LYPD6B: variants seen among roughly 807,000 people sequenced by gnomAD.
The protein encoded by LYPD6B is LY6/PLAUR domain containing 6B.
In LYPD6B, 17 loss-of-function variants were observed where a neutral mutation model predicts 22.8. The observed-to-expected ratio is 0.75, with a 90% CI of 0.51 to 1.12. The LOEUF (loss-of-function observed/expected upper bound fraction) is 1.12. Ranked by LOEUF, LYPD6B falls within the 50% of genes most tolerant of loss-of-function variation. The probability of loss-of-function intolerance (pLI) is 0.00; values close to 1 mark genes in which losing one functional copy is unlikely to be tolerated. For synonymous variants in LYPD6B, 106 were observed against 91.6 expected, an observed-to-expected ratio of 1.16 and a Z score of -0.90; for missense variants, 221 against 258.3, an observed-to-expected ratio of 0.86 and a Z score of 0.99.
chr2:149,082,872 C>A (rs1685200223), intron 1 of LYPD6B, among the ~76,000 whole-genome samples: 1 of 152,164 alleles, frequency 6.6e-6, no homozygotes, highest in Non-Finnish European at 1.5e-5. Flanking sequence ...CTGGGTACAG[C>A]CATAATTCAG....
intron 3 of LYPD6B, among the ~76,000 whole-genome samples, chr2:149,203,400 C>G (rs1339904299): frequency 4.6e-5 from 7 of 152,108 alleles, no homozygotes; most frequent in South Asian, 4.1e-4. Flanking sequence ...AGGGTCTCCA[C>G]TGGTATAAAG....
At chr2:149,095,643 A>G (rs1685869646) in intron 1 of LYPD6B, among the ~76,000 whole-genome samples, 1 of 152,172 alleles carries the variant, frequency 6.6e-6, no homozygotes, top group Non-Finnish European at 1.5e-5. Context: ...AGGCCATGTG[A>G]GAGAGCACAG....
chr2:149,183,254 G>A lies in LYPD6B; in HGVS notation c.78-21999G>A, dbSNP rs114673033. On this transcript the variant is annotated intron_variant, in intron 3 of 6. Coordinates refer to ENST00000409642, the MANE Select transcript of LYPD6B (RefSeq NM_177964.5). ...GAAATGGAGATAGAAGAGCTATGGAGTTTGCTGGAAATCCTCTAAGTAGGA... is the reference window on the plus strand; with the variant it reads ...GAAATGGAGATAGAAGAGCTATGGAATTTGCTGGAAATCCTCTAAGTAGGA... Among the ~76,000 whole-genome samples the A allele has an allele frequency of 6.9e-3, 1,054 of 152,276 alleles. 17 individuals carry two copies. The highest frequency in any genetic ancestry group is 0.023 in the African/African-American group (963 of 41,550).
At chr2:149,040,818 G>T (rs536210369) in intron 1 of LYPD6B, among the ~76,000 whole-genome samples, 1 of 152,330 alleles carries the variant, frequency 6.6e-6, no homozygotes, top group East Asian at 1.9e-4. Flanking sequence ...TTCATCTAAT[G>T]CATGGAGGGC....
rs79544323 is a variant in LYPD6B, at chr2:149,191,964, T to C, written c.78-13289T>C. On this transcript the variant is annotated intron_variant, in intron 3 of 6. Coordinates refer to ENST00000409642, the MANE Select transcript of LYPD6B (RefSeq NM_177964.5). ...TGGTGGTTGAATTGGAAATCACCAA[T>C]GCTGGTTCTTCTTCAGCAAAGTGAG... is the stretch of plus-strand genomic sequence containing the variant. 2.5e-3 allele frequency among the ~76,000 whole-genome samples: 382 copies of C among 152,342 alleles called. 6 individuals are homozygous for C. The East Asian group carries it at 0.04, about 16-fold the overall frequency.
At chr2:149,120,822 C>A (rs1340053528) in intron 1 of LYPD6B, among the ~76,000 whole-genome samples, 3 of 110,176 alleles carry the variant, frequency 2.7e-5, no homozygotes, top group Admixed American at 1.2e-4. Flanking sequence ...CAGCGTCTTG[C>A]TCTGTCACCC....
chr2:149,135,236 C>G (rs565961852), intron 2 of LYPD6B, among the ~76,000 whole-genome samples: 1 of 140,608 alleles, frequency 7.1e-6, no homozygotes, highest in East Asian at 2.1e-4. Flanking sequence ...CAGAGCAAGA[C>G]TCTGTCTCAA....
At chr2:149,191,269 C>A (rs1044116752) in intron 3 of LYPD6B, among the ~76,000 whole-genome samples, 4 of 152,040 alleles carry the variant, frequency 2.6e-5, no homozygotes, top group African/African-American at 4.8e-5. Flanking sequence ...ATTAAGATAA[C>A]AACAATTCTT....
intron 5 of LYPD6B, among the ~76,000 whole-genome samples, chr2:149,210,748 T>C (rs1349577041): frequency 6.6e-6 from 1 of 152,242 alleles, no homozygotes; most frequent in South Asian, 2.1e-4. Context: ...TATGAACACA[T>C]GCAGCCACCA....
At chr2:149,120,729 T>C (rs566266205) in intron 1 of LYPD6B, among the ~76,000 whole-genome samples, 1 of 150,860 alleles carries the variant, frequency 6.6e-6, no homozygotes, top group Non-Finnish European at 1.5e-5. Flanking sequence ...CGTCCAAATA[T>C]GTGTTCTATT....
intron 3 of LYPD6B, among the ~76,000 whole-genome samples, chr2:149,177,168 A>G (rs181381759): frequency 1.3e-5 from 2 of 152,228 alleles, no homozygotes; most frequent in Non-Finnish European, 2.9e-5. Context: ...GGTTAGAGAA[A>G]TGGCCCCCAA....
At chr2:149,192,612 A>G (rs1489845829) in intron 3 of LYPD6B, among the ~76,000 whole-genome samples, 1 of 151,746 alleles carries the variant, frequency 6.6e-6, no homozygotes, top group Non-Finnish European at 1.5e-5. Context: ...CTCATCCCCA[A>G]TTTCCTCCTT....
intron 1 of LYPD6B, among the ~76,000 whole-genome samples, chr2:149,100,170 C>G (rs1027755224): frequency 3.9e-5 from 6 of 152,028 alleles, no homozygotes; most frequent in South Asian, 2.1e-4. Context: ...CCTGTATTTT[C>G]AAGTTATCAT....
At chr2:149,183,282 T>C (rs2106003972) in intron 3 of LYPD6B, among the ~76,000 whole-genome samples, 1 of 152,322 alleles carries the variant, frequency 6.6e-6, no homozygotes, top group South Asian at 2.1e-4. Context: ...AAGTAGGAGA[T>C]TGCCCAATTC....
At chr2:149,062,926 A>G (rs143717000) in intron 1 of LYPD6B, among the ~76,000 whole-genome samples, 85 of 144,398 alleles carry the variant, frequency 5.9e-4, no homozygotes, top group African/African-American at 2.1e-3. Context: ...TAGTTGTCTA[A>G]TGGCAGATTT....
At chr2:149,112,795 A>T (rs1442742218) in intron 1 of LYPD6B, among the ~76,000 whole-genome samples, 1 of 152,170 alleles carries the variant, frequency 6.6e-6, no homozygotes, top group Non-Finnish European at 1.5e-5. Context: ...ATTGAAAACG[A>T]ACTGGGACAA....
chr2:149,057,211 T>G (rs1683844891), intron 1 of LYPD6B, among the ~76,000 whole-genome samples: 1 of 152,078 alleles, frequency 6.6e-6, no homozygotes, highest in Non-Finnish European at 1.5e-5. Flanking sequence ...TATATATTAT[T>G]TATTATTAGG....
At chr2:149,088,177 T>G (rs1413555639) in intron 1 of LYPD6B, among the ~76,000 whole-genome samples, 2 of 151,902 alleles carry the variant, frequency 1.3e-5, no homozygotes, top group African/African-American at 4.8e-5. Context: ...GTCCCAAGCT[T>G]CTTCTCTGTG....
intron 6 of LYPD6B, among the ~76,000 whole-genome samples, chr2:149,213,697 G>A (rs1371833178): frequency 6.6e-6 from 1 of 152,200 alleles, no homozygotes; most frequent in Non-Finnish European, 1.5e-5. Context: ...TCTCATATCA[G>A]TGGCTTTTAA....
Sources: gnomAD v4.1 joint callset for allele counts (sites outside exome capture counted in the v4.1 genomes callset) on GRCh38, gnomAD v4.1.1 for gene constraint, MANE v1.5 for transcripts, NCBI Gene and HGNC (gene_info 2026-07-23, HGNC 2026-07-21) for gene names.